Variants in BMPER observed in about 807,000 individuals in gnomAD.
BMPER encodes BMP binding endothelial regulator.
Under a neutral mutation model 87.3 loss-of-function variants are expected in BMPER, and 45 were observed. That is an observed-to-expected ratio of 0.52 (90% CI 0.41 to 0.66). The LOEUF (loss-of-function observed/expected upper bound fraction) is 0.66. Ranked by LOEUF, BMPER falls within the 30% of genes least tolerant of loss-of-function variation. BMPER has a pLI of 0.00. For synonymous variants in BMPER, 326 were observed against 316.2 expected (o/e 1.03, Z -0.33); for missense variants, 784 against 867.5 (o/e 0.90, Z 1.21).
chr7:34,065,252 C>T (rs1408838963), intron 11 of BMPER, among the ~76,000 whole-genome samples: 6 of 149,924 alleles, frequency 4.0e-5, no homozygotes, highest in Non-Finnish European at 7.4e-5. Flanking sequence ...CTCTCTCCCT[C>T]TCTCTCTCTC....
At chr7:34,028,592 ATTTTTTCTGTTT>A (rs1787424073) in intron 6 of BMPER, among the ~76,000 whole-genome samples, 1 of 44,956 alleles carries the variant, frequency 2.2e-5, no homozygotes, top group Admixed American at 2.6e-4. Flanking sequence ...AGTCCAAATC[ATTTTTTCTGTTT>A]TTTTTTTTTT....
chr7:34,079,311 A>G lies in BMPER; in HGVS notation c.1408+125A>G, dbSNP rs374389680. 3.2e-5 allele frequency: 40 copies of G among 1,266,446 alleles called. 1 individual carries two copies. Among genetic ancestry groups the G allele is most frequent in the Admixed American group, 1.7e-4 (8 of 47,458 alleles). The allele number at this position is 1,266,446 out of a possible 1,614,324, so 78.5% of individuals were successfully genotyped here. On this transcript the variant is annotated intron_variant, in intron 12 of 14. Transcript: ENST00000649409. ...CCGAGCAAAAACCCAAGGCAGAGCC[A>G]GGTTCCAACTGCGGGACTTGCCTCA... is the stretch of plus-strand genomic sequence containing the variant.
At chr7:34,024,401 AT>A (rs1787299354) in intron 6 of BMPER, among the ~76,000 whole-genome samples, 3 of 29,644 alleles carry the variant, frequency 1.0e-4, no homozygotes, top group Non-Finnish European at 1.2e-4. Context: ...ATATATATAT[AT>A]ATATATATAT....
intron 3 of BMPER, among the ~76,000 whole-genome samples, chr7:33,951,818 A>G (rs1785033420): frequency 6.6e-6 from 1 of 152,178 alleles, no homozygotes; most frequent in South Asian, 2.1e-4. Context: ...AATGTTTGCA[A>G]CTGTTCCTGG....
chr7:33,995,888 C>T (rs1315517572), intron 6 of BMPER, among the ~76,000 whole-genome samples: 1 of 152,152 alleles, frequency 6.6e-6, no homozygotes, highest in Non-Finnish European at 1.5e-5. Flanking sequence ...GCCAGGGTGC[C>T]CTGGTGGGTG....
chr7:34,058,239 C>T, intron 10 of BMPER, 76 bp downstream of exon 10: 1 of 1,350,092 alleles, frequency 7.4e-7, no homozygotes, highest in Non-Finnish European at 1.0e-6. Context: ...CGCATGCCAT[C>T]TTCCGAACAC....
intron 6 of BMPER, among the ~76,000 whole-genome samples, chr7:33,992,011 T>TTTACA (rs1786235472): frequency 6.6e-6 from 1 of 150,608 alleles, no homozygotes; most frequent in African/African-American, 2.5e-5. Context: ...TTCTTTTACA[T>TTTACA]TTGCTGAGGA....
chr7:33,928,492 T>C (rs1784410999), intron 2 of BMPER, among the ~76,000 whole-genome samples: 1 of 151,858 alleles, frequency 6.6e-6, no homozygotes, highest in Non-Finnish European at 1.5e-5. Context: ...TTCTGCCATC[T>C]CTAATGTTTT....
At chr7:34,021,824 A>G (rs1787195327) in intron 6 of BMPER, among the ~76,000 whole-genome samples, 1 of 152,006 alleles carries the variant, frequency 6.6e-6, no homozygotes, top group Admixed American at 6.6e-5. Context: ...TGGTGCCTCC[A>G]TCCATCCCTC....
chr7:34,045,821 A>G (rs140395765), intron 6 of BMPER, among the ~76,000 whole-genome samples: 3 of 152,270 alleles, frequency 2.0e-5, no homozygotes, highest in African/African-American at 7.2e-5. Context: ...CAGAACCTAT[A>G]GAAAGATGGG....
At chr7:33,975,507 A>G (rs1039124710) in intron 6 of BMPER, among the ~76,000 whole-genome samples, 1 of 152,198 alleles carries the variant, frequency 6.6e-6, no homozygotes, top group Non-Finnish European at 1.5e-5. Flanking sequence ...AACTTGGCAC[A>G]TGCTACAATT....
rs17170499 is a variant in BMPER, at chr7:33,950,860, A to G, written c.319+13472A>G. Among the ~76,000 whole-genome samples, 1,796 of 152,266 alleles carry G rather than the reference A, an allele frequency of 0.012. 79 individuals are homozygous for G. In the East Asian group the frequency reaches 0.16, roughly 14 times the overall value. On this transcript the variant is annotated intron_variant, in intron 3 of 14. Transcript: ENST00000649409. ...TTTGGGACACATGGTAAGTAGAAGC[A>G]TCTATCGAGAATGATACTTACAGCT...
intron 13 of BMPER, among the ~76,000 whole-genome samples, chr7:34,135,120 G>A (rs1485369067): frequency 6.6e-6 from 1 of 152,204 alleles, no homozygotes; most frequent in Non-Finnish European, 1.5e-5. Flanking sequence ...TAGGTAAAAA[G>A]TGTTGGAATG....
chr7:34,150,136 T>C (rs965184388), intron 14 of BMPER, among the ~76,000 whole-genome samples: 1 of 152,074 alleles, frequency 6.6e-6, no homozygotes, highest in Non-Finnish European at 1.5e-5. Flanking sequence ...GGATGAGTGC[T>C]CTGGGATGGG....
chr7:34,047,894 C>T (rs1476340901), intron 7 of BMPER, among the ~76,000 whole-genome samples: 1 of 147,054 alleles, frequency 6.8e-6, no homozygotes, highest in Non-Finnish European at 1.5e-5. Flanking sequence ...AGTCTGTTTA[C>T]ATCCTGTGAT....
intron 11 of BMPER, among the ~76,000 whole-genome samples, chr7:34,074,680 T>C (rs1433883356): frequency 2.0e-5 from 3 of 152,174 alleles, no homozygotes; most frequent in African/African-American, 7.2e-5. Context: ...GTGATCCGTG[T>C]AGTAGCAAAG....
chr7:34,105,819 A>T (rs1363499874), intron 13 of BMPER, among the ~76,000 whole-genome samples: 1 of 152,174 alleles, frequency 6.6e-6, no homozygotes, highest in African/African-American at 2.4e-5. Context: ...GCATTGAAAC[A>T]ATGTTCATTG....
chr7:33,945,527 C>T (rs1352959489), intron 3 of BMPER, among the ~76,000 whole-genome samples: 1 of 152,104 alleles, frequency 6.6e-6, no homozygotes, highest in Admixed American at 6.5e-5. Context: ...GCTGGGATTA[C>T]AGCTGTAAGC....
At chr7:33,972,664 C>G (rs918659361) in intron 5 of BMPER, among the ~76,000 whole-genome samples, 4 of 152,120 alleles carry the variant, frequency 2.6e-5, no homozygotes, top group African/African-American at 9.7e-5. Context: ...GCACTACCTC[C>G]CATGCCCACA....
Sources: allele counts gnomAD v4.1 joint callset (sites outside exome capture counted in the v4.1 genomes callset), GRCh38; gene constraint gnomAD v4.1.1; transcripts MANE v1.5; gene names NCBI Gene and HGNC (gene_info 2026-07-23, HGNC 2026-07-21).